Variants in FRAS1 observed in about 807,000 individuals in gnomAD.
The protein encoded by FRAS1 is extracellular matrix organizing protein FRAS1.
A neutral mutation model predicts 435.2 loss-of-function variants in FRAS1; 290 were observed. The observed-to-expected ratio is 0.67, with a 90% CI of 0.61 to 0.73. The LOEUF is 0.73. FRAS1 is among the 30% of genes least tolerant of loss of function. FRAS1 has a pLI of 0.00. For missense variants in FRAS1, 4,860 were observed against 5,001.5 expected (o/e 0.97, Z 0.85); for synonymous variants, 1,800 against 1,851.0 (o/e 0.97, Z 0.71).
Position 78,475,066 on chromosome 4 carries a change from T to C in FRAS1, c.7683-372T>C, listed in dbSNP as rs57225312. Among the ~76,000 whole-genome samples, 1,444 of 152,338 alleles carry C rather than the reference T, an allele frequency of 9.5e-3. 23 individuals carry two copies. Among genetic ancestry groups the C allele is most frequent in the African/African-American group, 0.033 (1,385 of 41,572 alleles). Reference sequence around the variant, plus strand: ...ATTGATTGCCTTCAGAGCAGCTTTCTTCCCTAAGAACCCACTGACCTATTG... The same window carrying C: ...ATTGATTGCCTTCAGAGCAGCTTTCCTCCCTAAGAACCCACTGACCTATTG... On this transcript the variant is annotated intron_variant, in intron 53 of 73. Transcript: ENST00000512123.
intron 20 of FRAS1, among the ~76,000 whole-genome samples, chr4:78,355,951 TAAG>T (rs1415461832): frequency 6.6e-6 from 1 of 152,120 alleles, no homozygotes; most frequent in Admixed American, 6.6e-5. Context: ...TACCACCAAA[TAAG>T]AAGAATTCAC....
intron 18 of FRAS1, among the ~76,000 whole-genome samples, chr4:78,320,156 A>T (rs1729443096): frequency 6.6e-6 from 1 of 152,186 alleles, no homozygotes; most frequent in Non-Finnish European, 1.5e-5. Flanking sequence ...TGGTGCCCAG[A>T]AATTGAAGGG....
intron 65 of FRAS1, among the ~76,000 whole-genome samples, chr4:78,515,016 C>T (rs181811538): frequency 1.2e-3 from 181 of 148,624 alleles, no homozygotes; most frequent in African/African-American, 4.4e-3. Context: ...TGCAGTGAGC[C>T]GAGATCGCAC....
At chr4:78,510,680 A>G (rs1721007880) in intron 63 of FRAS1, among the ~76,000 whole-genome samples, 1 of 152,186 alleles carries the variant, frequency 6.6e-6, no homozygotes, top group Non-Finnish European at 1.5e-5. Flanking sequence ...GGGCTTCTGT[A>G]TGTTTGGGGA....
intron 26 of FRAS1, among the ~76,000 whole-genome samples, chr4:78,378,422 A>C (rs1190096170): frequency 6.6e-6 from 1 of 152,148 alleles, no homozygotes; most frequent in Non-Finnish European, 1.5e-5. Flanking sequence ...AATGTTTTCA[A>C]TTCTCTTGGG....
chr4:78,121,359 C>T (rs1207739234), intron 2 of FRAS1, among the ~76,000 whole-genome samples: 1 of 152,152 alleles, frequency 6.6e-6, no homozygotes, highest in Non-Finnish European at 1.5e-5. Context: ...TTAAAACAAG[C>T]CCCCCACATA....
intron 29 of FRAS1, among the ~76,000 whole-genome samples, chr4:78,388,875 G>A (rs747561435): frequency 5.3e-5 from 8 of 151,892 alleles, no homozygotes; most frequent in East Asian, 3.8e-4. Flanking sequence ...TTATGTTTTC[G>A]CCATATCCAC....
intron 20 of FRAS1, among the ~76,000 whole-genome samples, chr4:78,346,065 G>C (rs1035493353): frequency 4.6e-5 from 7 of 152,162 alleles, no homozygotes; most frequent in African/African-American, 1.7e-4. Flanking sequence ...GTGGGTGTAT[G>C]TTGAAAGAAC....
chr4:78,142,906 T>C (rs1262708866), intron 2 of FRAS1, among the ~76,000 whole-genome samples: 2 of 151,314 alleles, frequency 1.3e-5, no homozygotes, highest in African/African-American at 2.4e-5. Context: ...AGGGGGAAAA[T>C]AGAATAATAA....
intron 2 of FRAS1, among the ~76,000 whole-genome samples, chr4:78,129,582 A>G (rs1719578638): frequency 6.8e-6 from 1 of 147,764 alleles, no homozygotes; most frequent in South Asian, 2.2e-4. Flanking sequence ...AAACTGAATT[A>G]GAGAACTAAG....
chr4:78,284,632 A>G (rs1219507233), intron 13 of FRAS1, 84 bp downstream of exon 13: 4 of 1,291,820 alleles, frequency 3.1e-6, no homozygotes, highest in Non-Finnish European at 4.2e-6. Flanking sequence ...ACTGAGGCTC[A>G]GTATTGTCAA....
At chr4:78,285,308 C>G (rs577790749) in intron 13 of FRAS1, among the ~76,000 whole-genome samples, 64 of 147,860 alleles carry the variant, frequency 4.3e-4, no homozygotes, top group African/African-American at 1.5e-3. Flanking sequence ...TGCAGTGAGC[C>G]GAGATTGTGC....
chr4:78,357,306 A>C (rs1454802982), intron 20 of FRAS1, among the ~76,000 whole-genome samples: 1 of 152,114 alleles, frequency 6.6e-6, no homozygotes, highest in Non-Finnish European at 1.5e-5. Context: ...CCAGTCCTCC[A>C]CCTCAGTGTC....
Position 78,286,530 on chromosome 4 carries a change from T to A in FRAS1, c.1525T>A (p.Ser509Thr). The change falls in exon 14 of 74, where the codon TCC becomes ACC. Residue 509 changes from serine to threonine, a missense_variant. Ser to Thr is a moderately conservative substitution (Grantham distance 58, BLOSUM62 1). Coordinates refer to ENST00000512123, the MANE Select transcript of FRAS1 (RefSeq NM_025074.7). The part of the protein sequence containing the change: ...CGDGFYQDRH[S>T]CAVCHESCAG... ...GGACGGCTTCTACCAAGATCGCCAT[T>A]CCTGTGCAGGTAATCTCTGGCTGGG... 1 of 1,612,416 alleles carries A rather than the reference T, an allele frequency of 6.2e-7. No individual in the cohort carries two copies. The highest frequency in any genetic ancestry group is 8.5e-7 in the Non-Finnish European group (1 of 1,179,666).
At chr4:78,252,581 C>T in intron 5 of FRAS1, 30 bp downstream of exon 5, 1 of 1,596,484 alleles carries the variant, frequency 6.3e-7, no homozygotes, top group Non-Finnish European at 8.5e-7. Flanking sequence ...AGGGGACCCT[C>T]TTTGCTTGGG....
chr4:78,490,717 G>A (rs1273370740), intron 59 of FRAS1, among the ~76,000 whole-genome samples: 2 of 152,026 alleles, frequency 1.3e-5, no homozygotes, highest in Non-Finnish European at 2.9e-5. Flanking sequence ...GTCTAAAATC[G>A]ACACCATAAC....
intron 2 of FRAS1, among the ~76,000 whole-genome samples, chr4:78,097,883 A>G (rs1741893240): frequency 6.8e-6 from 1 of 147,256 alleles, no homozygotes; most frequent in Non-Finnish European, 1.5e-5. Context: ...TAAGAAGAGG[A>G]GATTAAGATA....
chr4:78,397,062 A>C (rs1732702056), intron 29 of FRAS1, among the ~76,000 whole-genome samples: 2 of 151,700 alleles, frequency 1.3e-5, no homozygotes, highest in Admixed American at 1.3e-4. Context: ...CAGCCACTGG[A>C]GTTTTATTTT....
chr4:78,276,188 A>G (rs1185459883), intron 9 of FRAS1, among the ~76,000 whole-genome samples: 1 of 152,126 alleles, frequency 6.6e-6, no homozygotes, highest in African/African-American at 2.4e-5. Flanking sequence ...GGACTTCTCT[A>G]CACTGGTTGT....
Sources: allele counts gnomAD v4.1 joint callset (sites outside exome capture counted in the v4.1 genomes callset), GRCh38; gene constraint gnomAD v4.1.1; transcripts MANE v1.5; gene names NCBI Gene and HGNC (gene_info 2026-07-23, HGNC 2026-07-21).